Variants in ROBO2 observed in about 807,000 individuals in gnomAD.
The protein encoded by ROBO2 is roundabout guidance receptor 2, also known as roundabout homolog 2.
ROBO2 carries 53 observed loss-of-function variants against 160.8 expected under a neutral mutation model. That is an observed-to-expected ratio of 0.33 (90% CI 0.26 to 0.41). ROBO2 has a LOEUF of 0.41. Among genes scored for constraint, ROBO2 ranks in the 10% least tolerant of loss-of-function variants. ROBO2 has a pLI of 1.00. For missense variants in ROBO2, 1,577 were observed against 1,722.4 expected (o/e 0.92, Z 1.49); for synonymous variants, 664 against 611.7 (o/e 1.09, Z -1.26).
chr3:76,132,937 T>C (rs932558263), intron 2 of ROBO2, among the ~76,000 whole-genome samples: 1 of 152,156 alleles, frequency 6.6e-6, no homozygotes, highest in Non-Finnish European at 1.5e-5. Context: ...ACAGTCTGGC[T>C]GCGACCCTTG....
At chr3:77,353,301 G>A (rs1006138829) in intron 2 of ROBO2, among the ~76,000 whole-genome samples, 1 of 152,088 alleles carries the variant, frequency 6.6e-6, no homozygotes, top group Non-Finnish European at 1.5e-5. Context: ...AGCAATTACT[G>A]CTACTTCTAA....
chr3:77,026,786 C>T (rs559429301), intron 2 of ROBO2, among the ~76,000 whole-genome samples: 5 of 152,282 alleles, frequency 3.3e-5, no homozygotes, highest in African/African-American at 9.6e-5. Flanking sequence ...CATATAACAG[C>T]ACTCAATAAA....
intron 1 of ROBO2, among the ~76,000 whole-genome samples, chr3:77,077,984 C>T (rs2068191276): frequency 6.6e-6 from 1 of 152,146 alleles, no homozygotes; most frequent in Non-Finnish European, 1.5e-5. Context: ...AGCACACTGG[C>T]ATCTAGTACA....
chr3:77,385,122 G>A (rs1156286831), intron 2 of ROBO2, among the ~76,000 whole-genome samples: 1 of 152,160 alleles, frequency 6.6e-6, no homozygotes, highest in Admixed American at 6.5e-5. Context: ...CTCCGCCTCC[G>A]GAGTTCAAAT....
Position 77,420,597 on chromosome 3 carries a change from C to G in ROBO2, c.389-56817C>G, listed in dbSNP as rs1244859848. ...CCTCTAATGATTTCAGCCAAACAGA[C>G]AGGATTGAAGGTTTACCAAATGTGT... is the stretch of plus-strand genomic sequence containing the variant. On this transcript the variant is annotated intron_variant, in intron 2 of 25. Transcript: ENST00000461745. Among the ~76,000 whole-genome samples the G allele has an allele frequency of 2.6e-5, 4 of 152,174 alleles. No individual in the cohort carries two copies. In the East Asian group the frequency reaches 7.8e-4, roughly 30 times the overall value.
rs1195339645 is a variant in ROBO2, at chr3:77,289,834, T to G, written c.389-187580T>G. Among the ~76,000 whole-genome samples, 4 of 151,528 alleles carry G rather than the reference T, an allele frequency of 2.6e-5. No individual in the cohort carries two copies. In the East Asian group the frequency reaches 7.9e-4, roughly 30 times the overall value. On this transcript the variant is annotated intron_variant, in intron 2 of 25. Coordinates refer to ENST00000461745, the Ensembl canonical transcript of ROBO2. ...AAAGTAAAATTGACAGTTAAACAGG[T>G]AAGCTGAGGCTAGGTCACCAAAGAC...
At chr3:76,789,742 C>G (rs1307617813) in intron 2 of ROBO2, among the ~76,000 whole-genome samples, 2 of 151,508 alleles carry the variant, frequency 1.3e-5, no homozygotes, top group African/African-American at 2.4e-5. Context: ...ATTTTTCCAT[C>G]CAATTTAGAG....
intron 2 of ROBO2, among the ~76,000 whole-genome samples, chr3:76,999,452 G>C (rs966704728): frequency 2.0e-5 from 3 of 152,074 alleles, no homozygotes; most frequent in African/African-American, 4.8e-5. Context: ...TATTTACACT[G>C]TTTTTTGAAC....
intron 2 of ROBO2, among the ~76,000 whole-genome samples, chr3:76,780,233 C>T (rs1576579971): frequency 6.7e-6 from 1 of 148,392 alleles, no homozygotes. Flanking sequence ...GCTGTCTATT[C>T]ATGTTCTTCG....
chr3:76,302,238 C>T lies in ROBO2; in HGVS notation c.109+364636C>T, dbSNP rs182745273. 3.0e-4 allele frequency among the ~76,000 whole-genome samples: 46 copies of T among 152,048 alleles called. 1 individual carries two copies. Among genetic ancestry groups the T allele is most frequent in the South Asian group, 1.4e-3 (7 of 4,828 alleles). ...GATGGTTAAAGACATTGCAAAAATACGCAGTTTTACATTTATTAAATACTA... is the reference window on the plus strand; with the variant it reads ...GATGGTTAAAGACATTGCAAAAATATGCAGTTTTACATTTATTAAATACTA... On this transcript the variant is annotated intron_variant, in intron 2 of 26. Transcript: ENST00000487694.
chr3:76,031,508 A>G (rs1559849988), intron 2 of ROBO2, among the ~76,000 whole-genome samples: 1 of 152,148 alleles, frequency 6.6e-6, no homozygotes, highest in Non-Finnish European at 1.5e-5. Context: ...TTTGTCATAA[A>G]TAGCTCTTAT....
chr3:76,254,579 G>A (rs1046227540), intron 2 of ROBO2, among the ~76,000 whole-genome samples: 3 of 152,060 alleles, frequency 2.0e-5, no homozygotes, highest in African/African-American at 7.2e-5. Context: ...GAAGTCTAGA[G>A]TCAGAAATAA....
Position 76,530,554 on chromosome 3 carries a change from G to A in ROBO2, c.110-567460G>A, listed in dbSNP as rs573700242. Reference sequence around the variant, plus strand: ...ATAATTTATTCTTTGGTTGACCTACGTAGAGATTGAACATCCAAAAACCCC... The same window carrying A: ...ATAATTTATTCTTTGGTTGACCTACATAGAGATTGAACATCCAAAAACCCC... On this transcript the variant is annotated intron_variant, in intron 2 of 26. Transcript: ENST00000487694. Among the ~76,000 whole-genome samples, 10 of 152,186 alleles carry A rather than the reference G, an allele frequency of 6.6e-5. No homozygotes were observed. The South Asian group carries it at 2.1e-3, about 32-fold the overall frequency.
rs185212195 is a variant in ROBO2 at position 76,541,823 on chromosome 3, G to T, written c.110-556191G>T. On this transcript the variant is annotated intron_variant, in intron 2 of 26. Transcript: ENST00000487694. The stretch of plus-strand genomic sequence containing the variant: ...TTGTCTGTCATGCTGTTCCTACCTT[G>T]TTCATTTTCACAACTTTGTTCAAAA... Among the ~76,000 whole-genome samples the T allele has an allele frequency of 2.9e-3, 437 of 152,238 alleles. 3 individuals carry two copies. Among genetic ancestry groups the T allele is most frequent in the African/African-American group, 9.9e-3 (411 of 41,544 alleles).
At chr3:76,120,966 TAATA>T (rs1191112372) in intron 2 of ROBO2, among the ~76,000 whole-genome samples, 2 of 152,188 alleles carry the variant, frequency 1.3e-5, no homozygotes, top group Non-Finnish European at 2.9e-5. Context: ...GATAGCCACA[TAATA>T]AATAATTAAA....
At chr3:77,158,021 A>T (rs1369002594) in intron 2 of ROBO2, among the ~76,000 whole-genome samples, 1 of 152,152 alleles carries the variant, frequency 6.6e-6, no homozygotes, top group Non-Finnish European at 1.5e-5. Context: ...AAATTCTCAT[A>T]TGAAATGAAT....
At chr3:76,238,319 C>A (rs1485077631) in intron 2 of ROBO2, among the ~76,000 whole-genome samples, 1 of 152,106 alleles carries the variant, frequency 6.6e-6, no homozygotes, top group African/African-American at 2.4e-5. Flanking sequence ...GAAGGGGAAG[C>A]AAGGGACTTC....
chr3:77,610,105 T>G (rs2094598869), intron 21 of ROBO2, among the ~76,000 whole-genome samples: 1 of 151,792 alleles, frequency 6.6e-6, no homozygotes, highest in African/African-American at 2.4e-5. Flanking sequence ...TTTGATATTC[T>G]TTATACTTTT....
intron 2 of ROBO2, among the ~76,000 whole-genome samples, chr3:76,842,321 T>C (rs1235610269): frequency 2.0e-5 from 3 of 152,210 alleles, no homozygotes; most frequent in African/African-American, 7.2e-5. Flanking sequence ...GGCACTGTGC[T>C]GACTTTTCAA....
Sources: gnomAD v4.1 joint callset for allele counts (sites outside exome capture counted in the v4.1 genomes callset) on GRCh38, gnomAD v4.1.1 for gene constraint, MANE v1.5 for transcripts, NCBI Gene and HGNC (gene_info 2026-07-23, HGNC 2026-07-21) for gene names.